Variants in KPNA7 observed in about 807,000 individuals in gnomAD.
KPNA7 encodes karyopherin subunit alpha 7, also known as importin subunit alpha-8.
In KPNA7, 54 loss-of-function variants were observed where a neutral mutation model predicts 53.7. The observed-to-expected ratio is 1.01, with a 90% CI of 0.81 to 1.26. The LOEUF (loss-of-function observed/expected upper bound fraction) is 1.26. Among genes scored for constraint, KPNA7 ranks in the 50% most tolerant of loss-of-function variants. The pLI is 0.00. For missense variants in KPNA7, 640 were observed against 644.5 expected (o/e 0.99, Z 0.07); for synonymous variants, 276 against 259.3 (o/e 1.06, Z -0.62).
downstream of KPNA7, among the ~76,000 whole-genome samples, chr7:99,169,596 G>A (rs1002143468): frequency 2.0e-5 from 3 of 152,078 alleles, no homozygotes; most frequent in South Asian, 2.1e-4. Flanking sequence ...CAGCCTGGGC[G>A]ACAGAGCATG....
At chr7:99,187,815 A>ATT (rs1563075160) in intron 7 of KPNA7, among the ~76,000 whole-genome samples, 4 of 128,166 alleles carry the variant, frequency 3.1e-5, no homozygotes, top group South Asian at 2.5e-4. Flanking sequence ...AAAAAAAAAA[A>ATT]AAAAAAAAAA....
At chr7:99,211,270 A>C (rs1374091788), upstream of KPNA7, among the ~76,000 whole-genome samples, 1 of 152,134 alleles carries the variant, frequency 6.6e-6, no homozygotes, top group African/African-American at 2.4e-5. Flanking sequence ...AAATACAAAG[A>C]TTAGCCAGGT....
chr7:99,164,595 G>A, the KPNA7 span, among the ~76,000 whole-genome samples: 3 of 151,070 alleles, frequency 2.0e-5, no homozygotes. Context: ...TAACTAACCT[G>A]CACATTGTGC....
intron 4 of KPNA7, 116 bp from the exon 5 acceptor site, chr7:99,195,454 C>T: frequency 1.1e-6 from 1 of 949,342 alleles, no homozygotes; most frequent in South Asian, 1.7e-5. Flanking sequence ...TTTGGGAGAC[C>T]AAGGCGGGCA....
chr7:99,175,320 G>C (rs1798857927), intron 10 of KPNA7, among the ~76,000 whole-genome samples: 1 of 151,818 alleles, frequency 6.6e-6, no homozygotes, highest in African/African-American at 2.4e-5. Context: ...TGGGATTACA[G>C]GCACATGCCA....
chr7:99,186,306 CTG>C (rs1246258538), intron 7 of KPNA7, among the ~76,000 whole-genome samples: 5 of 152,126 alleles, frequency 3.3e-5, no homozygotes, highest in Non-Finnish European at 7.3e-5. Flanking sequence ...TCAGATTTCT[CTG>C]TACTGTAGTG....
At chr7:99,205,876 G>A (rs544481204) in intron 2 of KPNA7, among the ~76,000 whole-genome samples, 1 of 152,204 alleles carries the variant, frequency 6.6e-6, no homozygotes, top group African/African-American at 2.4e-5. Context: ...CAGAGATGGA[G>A]GACAGAGCTT....
Position 99,203,143 on chromosome 7 carries a change from G to A in KPNA7, c.164C>T (p.Pro55Leu), listed in dbSNP as rs759935298. The change falls in exon 3 of 11, where the codon CCT (proline) becomes CTT (leucine). Residue 55 changes from proline (P) to leucine (L), a missense_variant. By Grantham distance (98) the Pro-to-Leu change is moderately conservative. Transcript: ENST00000327442. ...LKRRNITSFC[P>L]DTPSEKTAKG... ...GGCTGTTTTTTCAGAAGGTGTGTCA[G>A]GGCAGAAGCTCGTGATATTCCTTCT... 1 of 1,551,662 alleles carries A rather than the reference G, an allele frequency of 6.4e-7. No individual in the cohort carries two copies. The highest frequency in any genetic ancestry group is 2.0e-5 in the Admixed American group (1 of 50,984).
downstream of KPNA7, among the ~76,000 whole-genome samples, chr7:99,169,857 A>G (rs980870880): frequency 6.6e-6 from 1 of 152,100 alleles, no homozygotes; most frequent in Admixed American, 6.6e-5. Context: ...CCTGGTCAAC[A>G]TGGTGAAACC....
At chr7:99,172,826 G>GC (rs1798793623), downstream of KPNA7, among the ~76,000 whole-genome samples, 1 of 152,074 alleles carries the variant, frequency 6.6e-6, no homozygotes, top group African/African-American at 2.4e-5. Flanking sequence ...ACTTTAGGAG[G>GC]CTGAGACATG....
chr7:99,215,116 G>C (rs376471835), intron 1 of KPNA7, among the ~76,000 whole-genome samples: 2 of 152,148 alleles, frequency 1.3e-5, no homozygotes, highest in East Asian at 3.9e-4. Context: ...GCTCATGCCT[G>C]TAATTCCAGC....
Position 99,182,750 on chromosome 7 carries a change from G to C in KPNA7, c.1135-685C>G, listed in dbSNP as rs528997100. ...CAGATAGGCTCATTTGCCCACATCA[G>C]GCCACAGGGAAAAAATGAAACGGAC... is the stretch of plus-strand genomic sequence containing the variant. On this transcript the variant is annotated intron_variant, in intron 8 of 10. Transcript: ENST00000327442. 5.9e-5 allele frequency among the ~76,000 whole-genome samples: 9 copies of C among 152,260 alleles called. No homozygotes were observed. In the East Asian group the frequency reaches 1.7e-3, roughly 29 times the overall value.
upstream of KPNA7, among the ~76,000 whole-genome samples, chr7:99,210,089 A>G (rs1257021793): frequency 6.6e-6 from 1 of 152,184 alleles, no homozygotes; most frequent in East Asian, 1.9e-4. Context: ...TGGCTACCCA[A>G]TGAGTTTAGA....
intron 9 of KPNA7, among the ~76,000 whole-genome samples, chr7:99,179,751 A>ATT (rs34372495): frequency 2.0e-5 from 3 of 150,716 alleles, no homozygotes; most frequent in Non-Finnish European, 3.0e-5. Context: ...TGCCTGGCTA[A>ATT]TTTTTTTGTA....
At chr7:99,178,771 C>CAA (rs756807848) in intron 9 of KPNA7, among the ~76,000 whole-genome samples, 316 of 27,710 alleles carry the variant, frequency 0.011, 31 homozygotes, top group Middle Eastern at 0.031. Context: ...ATCTTTGTCT[C>CAA]AAAAAAAAAA....
intron 1 of KPNA7, among the ~76,000 whole-genome samples, chr7:99,219,260 G>A (rs549717217): frequency 6.6e-6 from 1 of 152,182 alleles, no homozygotes; most frequent in South Asian, 2.1e-4. Flanking sequence ...ACCATCAAAA[G>A]GTGAAGTGGG....
At chr7:99,199,377 G>C (rs1431227978) in intron 3 of KPNA7, among the ~76,000 whole-genome samples, 1 of 152,110 alleles carries the variant, frequency 6.6e-6, no homozygotes, top group Admixed American at 6.6e-5. Context: ...TCAAACCTTT[G>C]TTTGATGACA....
In KPNA7 at chr7:99,196,068, G is replaced by A. The variant is rs998819262; in HGVS notation, c.284+16C>T. 3.2e-6 allele frequency: 5 copies of A among 1,546,280 alleles called. No homozygotes were observed. In the Admixed American group the frequency reaches 9.8e-5, roughly 30 times the overall value. ...TAACTATGAACCTGCAACAGCAGAA[G>A]TCTGTTTGGAGATACCTGGCTGTCT... On this transcript the variant is annotated intron_variant, in intron 4 of 10. Transcript: ENST00000327442.
intron 6 of KPNA7, among the ~76,000 whole-genome samples, chr7:99,190,765 G>T (rs918592717): frequency 1.3e-5 from 2 of 150,994 alleles, no homozygotes; most frequent in Non-Finnish European, 2.9e-5. Context: ...CTCTCGCCTT[G>T]CCTTCCCAAG....
Sources: allele counts gnomAD v4.1 joint callset (sites outside exome capture counted in the v4.1 genomes callset), GRCh38; gene constraint gnomAD v4.1.1; transcripts MANE v1.5; gene names NCBI Gene and HGNC (gene_info 2026-07-23, HGNC 2026-07-21).